Variants in VEPH1 observed in about 807,000 individuals in gnomAD.
VEPH1 encodes ventricular zone expressed PH domain containing 1, also known as ventricular zone-expressed PH domain-containing protein homolog 1.
VEPH1 carries 80 observed loss-of-function variants against 85.2 expected under a neutral mutation model. The observed-to-expected ratio is 0.94, with a 90% confidence interval of 0.78 to 1.13. The LOEUF (loss-of-function observed/expected upper bound fraction) is 1.13, where lower values mean the gene tolerates loss of function less well. VEPH1 is among the 50% of genes most tolerant of loss of function. The probability of loss-of-function intolerance (pLI) is 0.00; values close to 1 mark genes in which losing one functional copy is unlikely to be tolerated. For missense variants in VEPH1, 955 were observed against 980.5 expected, an observed-to-expected ratio of 0.97 and a Z score of 0.35; for synonymous variants, 297 against 348.0, an observed-to-expected ratio of 0.85 and a Z score of 1.63.
intron 2 of VEPH1, among the ~76,000 whole-genome samples, chr3:157,491,121 A>G (rs563158155): frequency 3.3e-5 from 5 of 152,276 alleles, no homozygotes; most frequent in African/African-American, 9.6e-5. Flanking sequence ...GCTAAATACC[A>G]CAAGGAGGAT....
intron 6 of VEPH1, among the ~76,000 whole-genome samples, chr3:157,391,656 A>G (rs1004819151): frequency 2.0e-5 from 3 of 152,342 alleles, no homozygotes; most frequent in Middle Eastern, 3.4e-3. Context: ...AAACACCTGG[A>G]AAATATATTT....
At chr3:157,393,108 T>G (rs1454344785) in intron 6 of VEPH1, among the ~76,000 whole-genome samples, 1 of 152,190 alleles carries the variant, frequency 6.6e-6, no homozygotes, top group Non-Finnish European at 1.5e-5. Context: ...CTATATGCAC[T>G]ACCTGGATCT....
rs763687121 is a variant in VEPH1 at position 157,428,503 on chromosome 3, A to G, written c.530-15T>C. 2 of 1,611,604 alleles carry G rather than the reference A, an allele frequency of 1.2e-6. No homozygotes were observed. Among genetic ancestry groups the G allele is most frequent in the Admixed American group, 3.3e-5 (2 of 59,942 alleles). On this transcript the variant is annotated splice_polypyrimidine_tract_variant and intron_variant, in intron 4 of 13. Coordinates refer to ENST00000362010, the MANE Select transcript of VEPH1 (RefSeq NM_001167912.2). ...CATGGTGTTACCTGTTGAGGGAACAATAAAGGGAATGATGACTTTATCAGG... is the reference window on the plus strand; with the variant it reads ...CATGGTGTTACCTGTTGAGGGAACAGTAAAGGGAATGATGACTTTATCAGG...
intron 5 of VEPH1, among the ~76,000 whole-genome samples, chr3:157,420,006 G>A (rs915288364): frequency 2.0e-5 from 3 of 152,116 alleles, no homozygotes; most frequent in African/African-American, 7.2e-5. Context: ...AAAGGAACAA[G>A]ATCATGTCCT....
chr3:157,363,689 CCT>C lies in VEPH1; in HGVS notation c.1408_1409del (p.Arg470GlyfsTer20). 6.2e-7 allele frequency: 1 copy of C among 1,614,066 alleles called. No individual in the cohort carries two copies. Among genetic ancestry groups the C allele is most frequent in the South Asian group, 1.1e-5 (1 of 91,076 alleles). On this transcript the variant is annotated frameshift_variant, in exon 9 of 14. Transcript: ENST00000362010. LOFTEE classifies it high-confidence loss of function. ...VGSDDGEDENRGDIPASISLS... is the reference protein window; with the variant it reads ...VGSDDGEDENXGDIPASISLS... ...GAGAGATGCTGGCTGGTATGTCTCC[CCT>C]GTTTTCATCTTCGCCGTCATCTGAA...
chr3:157,481,477 A>G (rs1206663706), intron 2 of VEPH1, among the ~76,000 whole-genome samples: 1 of 111,322 alleles, frequency 9.0e-6, no homozygotes, highest in Admixed American at 8.6e-5. Flanking sequence ...AAAAAAAAAA[A>G]AAAAAAAAAC....
At chr3:157,345,121 C>T (rs1005620354) in intron 9 of VEPH1, among the ~76,000 whole-genome samples, 4 of 152,064 alleles carry the variant, frequency 2.6e-5, no homozygotes, top group Admixed American at 6.6e-5. Flanking sequence ...GCAGGGGCAA[C>T]GCCTTCATGT....
At chr3:157,380,908 A>T (rs940354063) in intron 7 of VEPH1, among the ~76,000 whole-genome samples, 5 of 152,352 alleles carry the variant, frequency 3.3e-5, no homozygotes, top group African/African-American at 1.2e-4. Flanking sequence ...GCTATAAAAT[A>T]TTACTTGCAC....
chr3:157,311,421 G>T (rs1316361774), intron 11 of VEPH1, among the ~76,000 whole-genome samples: 1 of 152,136 alleles, frequency 6.6e-6, no homozygotes, highest in East Asian at 1.9e-4. Flanking sequence ...AGCAGACTTT[G>T]CACCATTCTT....
chr3:157,273,785 A>G (rs1041474571), intron 12 of VEPH1, among the ~76,000 whole-genome samples: 1 of 152,238 alleles, frequency 6.6e-6, no homozygotes, highest in African/African-American at 2.4e-5. Flanking sequence ...TTATTTCAAG[A>G]GCACAAGAGT....
At chr3:157,354,623 TC>T (rs1452303519) in intron 9 of VEPH1, among the ~76,000 whole-genome samples, 1 of 152,130 alleles carries the variant, frequency 6.6e-6, no homozygotes, top group Non-Finnish European at 1.5e-5. Context: ...CCATTCTTTA[TC>T]CCCCCTCCAA....
intron 6 of VEPH1, among the ~76,000 whole-genome samples, chr3:157,391,349 G>A (rs980318280): frequency 6.6e-6 from 1 of 152,196 alleles, no homozygotes; most frequent in Non-Finnish European, 1.5e-5. Flanking sequence ...GGGGATCCAA[G>A]CCACCCAAGC....
rs1322543419 is a variant in VEPH1, at chr3:157,442,626, G to C, written c.530-14138C>G. 1.2e-6 allele frequency: 2 copies of C among 1,614,110 alleles called. No homozygotes were observed. The highest frequency in any genetic ancestry group is 2.2e-5 in the East Asian group (1 of 44,902). ...GGTTGCTGAAGCCATGGTTTCCCTGGGAAGGTGGACCCACCTGTGCGGCAC... is the reference window on the plus strand; with the variant it reads ...GGTTGCTGAAGCCATGGTTTCCCTGCGAAGGTGGACCCACCTGTGCGGCAC... On this transcript the variant is annotated intron_variant, in intron 4 of 13. Coordinates refer to ENST00000362010, the MANE Select transcript of VEPH1 (RefSeq NM_001167912.2).
chr3:157,288,649 A>G (rs972788122), intron 11 of VEPH1, among the ~76,000 whole-genome samples: 1 of 152,268 alleles, frequency 6.6e-6, no homozygotes, highest in African/African-American at 2.4e-5. Flanking sequence ...GAGAACATTT[A>G]CACTCCCTGG....
chr3:157,307,319 C>T (rs559751820), intron 11 of VEPH1, among the ~76,000 whole-genome samples: 10 of 152,004 alleles, frequency 6.6e-5, no homozygotes, highest in African/African-American at 2.4e-4. Flanking sequence ...TGTATTGTCA[C>T]ATTTTTCTTA....
At chr3:157,448,435 T>A (rs1397418748) in intron 4 of VEPH1, among the ~76,000 whole-genome samples, 1 of 152,184 alleles carries the variant, frequency 6.6e-6, no homozygotes, top group Non-Finnish European at 1.5e-5. Context: ...AAAGGGACAT[T>A]ACTACTTTTA....
At position 157,384,395 on chromosome 3, in the gene VEPH1, G is replaced by A. The variant is rs73873665; in HGVS notation, c.907-3019C>T. ...CCTACTAAGATGTAATTTAAAATTT[G>A]AGGTAACTTCCTTACTTTCAGAAGT... On this transcript the variant is annotated intron_variant, in intron 6 of 13. Transcript: ENST00000362010. Among the ~76,000 whole-genome samples the A allele has an allele frequency of 6.6e-3, 999 of 152,294 alleles. 11 individuals are homozygous for A. Among genetic ancestry groups the A allele is most frequent in the African/African-American group, 0.021 (852 of 41,554 alleles).
At chr3:157,382,930 C>A (rs1158973275) in intron 6 of VEPH1, among the ~76,000 whole-genome samples, 1 of 152,180 alleles carries the variant, frequency 6.6e-6, no homozygotes, top group African/African-American at 2.4e-5. Flanking sequence ...CTCCTGGGCT[C>A]AAGCTATCCT....
chr3:157,440,447 T>C (rs184962212), intron 4 of VEPH1, among the ~76,000 whole-genome samples: 1 of 152,344 alleles, frequency 6.6e-6, no homozygotes, highest in East Asian at 1.9e-4. Flanking sequence ...GTTTGGTTTC[T>C]GCAAGTTCTT....
Sources: allele counts gnomAD v4.1 joint callset (sites outside exome capture counted in the v4.1 genomes callset), GRCh38; gene constraint gnomAD v4.1.1; transcripts MANE v1.5; gene names NCBI Gene and HGNC (gene_info 2026-07-23, HGNC 2026-07-21).